The following LOC128706666 variants were observed in gnomAD, a reference collection of about 807,000 sequenced individuals.
At chr20:10,432,496 A>G in the LOC128706666 span, among the ~76,000 whole-genome samples, 1 of 152,164 alleles carries the variant, frequency 6.6e-6, no homozygotes, top group Non-Finnish European at 1.5e-5. Flanking sequence ...TCCCTGATTT[A>G]AAAATTGTGT....
chr20:10,426,527 G>T, the LOC128706666 span, among the ~76,000 whole-genome samples: 1 of 152,142 alleles, frequency 6.6e-6, no homozygotes. Context: ...AGCCTCCCAG[G>T]TAGCTGAGAT....
the LOC128706666 span, among the ~76,000 whole-genome samples, chr20:10,423,927 T>G: frequency 1.3e-5 from 2 of 152,358 alleles, no homozygotes; most frequent in East Asian, 3.9e-4. Flanking sequence ...TAATGTTTAC[T>G]GAACATCTAC....
the LOC128706666 span, among the ~76,000 whole-genome samples, chr20:10,428,079 T>TG: frequency 1.3e-5 from 2 of 152,218 alleles, no homozygotes. Flanking sequence ...AAGTCTTATA[T>TG]GGGGGTTTCA....
the LOC128706666 span, among the ~76,000 whole-genome samples, chr20:10,430,441 T>C: frequency 6.6e-6 from 1 of 152,176 alleles, no homozygotes; most frequent in Non-Finnish European, 1.5e-5. Flanking sequence ...GCTCAGTAAT[T>C]GTTAGCTATT....
chr20:10,414,084 C>G, the LOC128706666 span, among the ~76,000 whole-genome samples: 1 of 152,170 alleles, frequency 6.6e-6, no homozygotes, highest in Admixed American at 6.5e-5. Context: ...GGTAGACCAA[C>G]TTTGACTTAA....
At chr20:10,422,242 G>C in the LOC128706666 span, among the ~76,000 whole-genome samples, 276 of 152,080 alleles carry the variant, frequency 1.8e-3, no homozygotes, top group African/African-American at 6.2e-3. Context: ...TTAATTACTA[G>C]ATAGAGGAAA....
At chr20:10,427,029 GACACACACACACACAC>G in the LOC128706666 span, among the ~76,000 whole-genome samples, 5,766 of 130,770 alleles carry the variant, frequency 0.044, 170 homozygotes, top group Middle Eastern at 0.068. Flanking sequence ...AGAAAACACT[GACACACACACACACAC>G]ACACACACAC....
the LOC128706666 span, among the ~76,000 whole-genome samples, chr20:10,428,621 T>C: frequency 2.4e-4 from 36 of 152,240 alleles, 1 homozygote; most frequent in Middle Eastern, 0.01. Flanking sequence ...GGTGGATCAC[T>C]TGAGGTCAGG....
At chr20:10,428,806 T>C in the LOC128706666 span, among the ~76,000 whole-genome samples, 1 of 151,914 alleles carries the variant, frequency 6.6e-6, no homozygotes, top group East Asian at 1.9e-4. Context: ...ATCGCGCCAT[T>C]GCACTCCAGC....
chr20:10,415,496 T>C, the LOC128706666 span, among the ~76,000 whole-genome samples: 1 of 152,170 alleles, frequency 6.6e-6, no homozygotes, highest in Non-Finnish European at 1.5e-5. Context: ...TCAGCTTTCT[T>C]CCTGTGGTGA....
the LOC128706666 span, among the ~76,000 whole-genome samples, chr20:10,428,618 C>T: frequency 6.6e-6 from 1 of 152,138 alleles, no homozygotes; most frequent in Non-Finnish European, 1.5e-5. Context: ...GAAGGTGGAT[C>T]ACTTGAGGTC....
chr20:10,414,391 C>T, the LOC128706666 span, among the ~76,000 whole-genome samples: 1 of 151,690 alleles, frequency 6.6e-6, no homozygotes, highest in Non-Finnish European at 1.5e-5. Flanking sequence ...TCACCCTCCT[C>T]AGTGGCAGGG....
At chr20:10,425,959 G>T in the LOC128706666 span, among the ~76,000 whole-genome samples, 1 of 152,216 alleles carries the variant, frequency 6.6e-6, no homozygotes, top group Admixed American at 6.5e-5. Flanking sequence ...AAGTAAAATA[G>T]AGTTGATATT....
the LOC128706666 span, among the ~76,000 whole-genome samples, chr20:10,422,545 GGCTGCACCAAAGGTCA>G: frequency 6.6e-6 from 1 of 152,074 alleles, no homozygotes; most frequent in African/African-American, 2.4e-5. Context: ...GAGGGACAGA[GGCTGCACCAAAGGTCA>G]GCTGGCCTGT....
the LOC128706666 span, among the ~76,000 whole-genome samples, chr20:10,432,534 T>C: frequency 2.6e-5 from 4 of 152,186 alleles, no homozygotes; most frequent in Non-Finnish European, 5.9e-5. Flanking sequence ...GGGTCATGCC[T>C]GTAATCCCAG....
the LOC128706666 span, among the ~76,000 whole-genome samples, chr20:10,415,869 A>T: frequency 1.3e-5 from 2 of 152,234 alleles, no homozygotes; most frequent in African/African-American, 2.4e-5. Flanking sequence ...CATTAAAATG[A>T]CAAAGAAATC....
the LOC128706666 span, among the ~76,000 whole-genome samples, chr20:10,429,904 T>G: frequency 6.6e-6 from 1 of 152,146 alleles, no homozygotes; most frequent in Non-Finnish European, 1.5e-5. Flanking sequence ...AACTCTAGGG[T>G]GGGGTCCAGT....
At chr20:10,433,967 CCTT>C in the LOC128706666 span, 1 of 152,298 alleles carries the variant, frequency 6.6e-6, no homozygotes, top group Non-Finnish European at 1.5e-5. Flanking sequence ...CCAGCCTCCT[CCTT>C]GTCCCCGCCC....
chr20:10,416,155 T>TTTG, the LOC128706666 span, among the ~76,000 whole-genome samples: 21,836 of 152,052 alleles, frequency 0.14, 1,737 homozygotes, highest in East Asian at 0.24. Flanking sequence ...CAGATGGGTT[T>TTTG]TTGTTGTTGT....
Sources: gnomAD v4.1 joint callset for allele counts (sites outside exome capture counted in the v4.1 genomes callset) on GRCh38, gnomAD v4.1.1 for gene constraint, MANE v1.5 for transcripts.